MYO1H: variants seen among roughly 807,000 people sequenced by gnomAD.
MYO1H encodes myosin IH.
MYO1H carries 118 observed loss-of-function variants against 149.3 expected under a neutral mutation model. The ratio of observed to expected loss-of-function variants is 0.79; its 90% CI spans 0.68 to 0.92. The LOEUF (loss-of-function observed/expected upper bound fraction) is 0.92, where lower values mean the gene tolerates loss of function less well. MYO1H is among the 40% of genes least tolerant of loss of function. The pLI is 0.00. For missense variants in MYO1H, 1,212 were observed against 1,280.7 expected (o/e 0.95, Z 0.82); for synonymous variants, 447 against 465.2 (o/e 0.96, Z 0.50).
Position 109,411,909 on chromosome 12 carries a change from C to T in MYO1H, c.1426C>T (p.Arg476Trp), listed in dbSNP as rs183967344. The T allele has an allele frequency of 8.6e-4, 1,377 of 1,604,276 alleles. 1 individual carries two copies. The highest frequency in any genetic ancestry group is 9.6e-4 in the Non-Finnish European group (1,128 of 1,175,272). ...TCTTTTGAAGGATGAAGAATGCATT[C>T]GGCCTGGTCCTGCTACAGACTTGAG... The change falls in exon 14 of 32, where the codon CGG becomes TGG. Residue 476 changes from arginine to tryptophan, a missense_variant. Transcript: ENST00000310903.
At chr12:109,441,868 G>A (rs375670785) in intron 26 of MYO1H, among the ~76,000 whole-genome samples, 160 bp downstream of exon 26, 3 of 145,716 alleles carry the variant, frequency 2.1e-5, no homozygotes, top group Admixed American at 1.4e-4. Flanking sequence ...CCAACATGGC[G>A]AAACCCCATC....
At chr12:109,378,792 A>G (rs745567773) in intron 1 of MYO1H, among the ~76,000 whole-genome samples, 5 of 146,738 alleles carry the variant, frequency 3.4e-5, no homozygotes, top group Non-Finnish European at 7.5e-5. Context: ...AGCAAGAGAG[A>G]GAGGGAGGGA....
intron 27 of MYO1H, among the ~76,000 whole-genome samples, chr12:109,442,997 G>GAAAAAAAA (rs35940183): frequency 7.4e-5 from 5 of 67,800 alleles, no homozygotes; most frequent in African/African-American, 2.5e-4. Flanking sequence ...AGAGAGCCAG[G>GAAAAAAAA]AAAAAAAAAA....
At chr12:109,388,591 C>G in intron 1 of MYO1H, 92 bp from the exon 2 acceptor site, 1 of 1,193,862 alleles carries the variant, frequency 8.4e-7, no homozygotes, top group Non-Finnish European at 1.1e-6. Context: ...TCTACTATCC[C>G]AGGGTTTAGC....
chr12:109,406,665 G>T, intron 8 of MYO1H, 124 bp from the exon 9 acceptor site: 2 of 835,014 alleles, frequency 2.4e-6, no homozygotes, highest in South Asian at 1.6e-5. Context: ...AAGTTACAAT[G>T]AGCTATGATT....
intron 2 of MYO1H, among the ~76,000 whole-genome samples, chr12:109,391,437 T>C (rs1489167974): frequency 1.3e-5 from 2 of 152,236 alleles, no homozygotes; most frequent in African/African-American, 4.8e-5. Context: ...CTACATAGTA[T>C]TCCATAGTGT....
At chr12:109,436,408 C>T in intron 21 of MYO1H, 80 bp from the exon 22 acceptor site, 1 of 1,007,010 alleles carries the variant, frequency 9.9e-7, no homozygotes. Flanking sequence ...TCCATCGGCC[C>T]CCAAACACCC....
chr12:109,359,496 C>A (rs1868692397), intron 1 of MYO1H: 1 of 152,072 alleles, frequency 6.6e-6, no homozygotes, highest in Non-Finnish European at 1.5e-5. Flanking sequence ...TTTAGCCTGC[C>A]TGTTGTGTCT....
chr12:109,396,064 A>G (rs150560563), intron 3 of MYO1H, among the ~76,000 whole-genome samples: 8 of 152,004 alleles, frequency 5.3e-5, no homozygotes, highest in Non-Finnish European at 1.0e-4. Context: ...GATTACAAGC[A>G]TGCACCACCA....
At chr12:109,388,588 T>C in intron 1 of MYO1H, 95 bp from the exon 2 acceptor site, 1 of 1,164,520 alleles carries the variant, frequency 8.6e-7, no homozygotes. Context: ...CTCTCTACTA[T>C]CCCAGGGTTT....
chr12:109,445,159 A>T (rs953281943), intron 30 of MYO1H, among the ~76,000 whole-genome samples: 7 of 152,216 alleles, frequency 4.6e-5, no homozygotes, highest in African/African-American at 1.7e-4. Flanking sequence ...TAGGTGGAAT[A>T]AGGAGAGAGA....
At chr12:109,436,962 A>C (rs574984487) in intron 22 of MYO1H, among the ~76,000 whole-genome samples, 4 of 152,206 alleles carry the variant, frequency 2.6e-5, no homozygotes, top group African/African-American at 9.6e-5. Flanking sequence ...AAAATTAGCT[A>C]GGCATGGTGG....
chr12:109,394,609 A>G (rs1869813065), intron 3 of MYO1H, among the ~76,000 whole-genome samples: 2 of 152,012 alleles, frequency 1.3e-5, no homozygotes, highest in Admixed American at 1.3e-4. Flanking sequence ...AAAAAAAAAA[A>G]AGGAAACTTG....
chr12:109,331,850 C>T, the MYO1H span, among the ~76,000 whole-genome samples: 1 of 152,222 alleles, frequency 6.6e-6, no homozygotes. Flanking sequence ...TAGTGCAATT[C>T]TGCTGTGTGT....
chr12:109,313,699 G>C, the MYO1H span, among the ~76,000 whole-genome samples: 1 of 152,058 alleles, frequency 6.6e-6, no homozygotes, highest in Non-Finnish European at 1.5e-5. Flanking sequence ...CAGAAAAGTG[G>C]ACATAGCAGC....
intron 22 of MYO1H, 106 bp from the exon 23 acceptor site, chr12:109,438,430 G>C: frequency 1.2e-6 from 1 of 807,608 alleles, no homozygotes; most frequent in East Asian, 2.7e-5. Flanking sequence ...AGAGTGCTGC[G>C]GTGGGCGTCC....
At chr12:109,403,858 C>A in intron 6 of MYO1H, 124 bp from the exon 7 acceptor site, 3 of 592,730 alleles carry the variant, frequency 5.1e-6, no homozygotes, top group African/African-American at 1.9e-5. Flanking sequence ...TAGAGTAAAA[C>A]CTATTTTTGA....
intron 15 of MYO1H, among the ~76,000 whole-genome samples, chr12:109,419,237 C>T (rs1871065304): frequency 6.6e-6 from 1 of 152,108 alleles, no homozygotes; most frequent in African/African-American, 2.4e-5. Flanking sequence ...CTCATTCACT[C>T]TACCTTGATC....
chr12:109,428,305 A>C (rs949493890), intron 19 of MYO1H, among the ~76,000 whole-genome samples: 1 of 152,114 alleles, frequency 6.6e-6, no homozygotes, highest in Admixed American at 6.5e-5. Flanking sequence ...GCCTTAGCGC[A>C]ACGGGCTGTC....
Sources: gnomAD v4.1 joint callset for allele counts (sites outside exome capture counted in the v4.1 genomes callset) on GRCh38, gnomAD v4.1.1 for gene constraint, MANE v1.5 for transcripts, NCBI Gene and HGNC (gene_info 2026-07-23, HGNC 2026-07-21) for gene names.